The following PRKCA variants were observed in gnomAD, a reference collection of about 807,000 sequenced individuals.
PRKCA encodes protein kinase C alpha.
PRKCA carries 27 observed loss-of-function variants against 87.0 expected under a neutral mutation model. The ratio of observed to expected loss-of-function variants is 0.31; its 90% CI spans 0.23 to 0.43. PRKCA has a LOEUF of 0.43. Among genes scored for constraint, PRKCA ranks in the 20% least tolerant of loss-of-function variants. The probability of loss-of-function intolerance (pLI) is 1.00; values close to 1 mark genes in which losing one functional copy is unlikely to be tolerated. For synonymous variants in PRKCA, 329 were observed against 311.1 expected (o/e 1.06, Z -0.61); for missense variants, 518 against 852.3 (o/e 0.61, Z 4.88).
chr17:66,455,966 G>A (rs1217819616), intron 2 of PRKCA, among the ~76,000 whole-genome samples: 1 of 152,074 alleles, frequency 6.6e-6, no homozygotes, highest in Non-Finnish European at 1.5e-5. Flanking sequence ...TAGTTAAGGT[G>A]GTGGTAGATT....
chr17:66,514,116 A>G (rs1334148911), intron 3 of PRKCA, among the ~76,000 whole-genome samples: 1 of 152,166 alleles, frequency 6.6e-6, no homozygotes, highest in Non-Finnish European at 1.5e-5. Flanking sequence ...ATTGTTATTA[A>G]TCTCTTACTG....
intron 3 of PRKCA, among the ~76,000 whole-genome samples, chr17:66,512,457 AGT>A (rs71160573): frequency 0.33 from 46,847 of 144,034 alleles, 7,372 homozygotes; most frequent in Middle Eastern, 0.42. Flanking sequence ...CAACAAAAAA[AGT>A]GTGTGTGTGT....
chr17:66,444,045 A>G (rs1326738117), intron 2 of PRKCA, among the ~76,000 whole-genome samples: 2 of 152,052 alleles, frequency 1.3e-5, no homozygotes, highest in African/African-American at 4.8e-5. Context: ...CTCATTCTGT[A>G]ATTGGGGGAT....
chr17:66,765,466 A>AT (rs1974791639), intron 13 of PRKCA, among the ~76,000 whole-genome samples: 2 of 136,682 alleles, frequency 1.5e-5, no homozygotes, highest in African/African-American at 5.4e-5. Flanking sequence ...CCATATATAT[A>AT]CATATTTGTC....
chr17:66,437,736 G>A (rs1214979944), intron 2 of PRKCA, among the ~76,000 whole-genome samples: 1 of 2,866 alleles, frequency 3.5e-4, no homozygotes, highest in Admixed American at 3.0e-3. Context: ...TTTTTTGAGC[G>A]GGGGGTGGGT....
chr17:66,587,893 G>GTATATA lies in PRKCA; in HGVS notation c.289-53461_289-53460insATATAT, dbSNP rs1315328922. 4.8e-3 allele frequency among the ~76,000 whole-genome samples: 250 copies of GTATATA among 51,610 alleles called. 14 individuals carry two copies. Among genetic ancestry groups the GTATATA allele is most frequent in the Middle Eastern group, 0.01 (1 of 100 alleles). 33.9% of individuals were successfully genotyped at this position (51,610 alleles called of 152,430 possible). On this transcript the variant is annotated intron_variant, in intron 3 of 16. Coordinates refer to ENST00000413366, the MANE Select transcript of PRKCA (RefSeq NM_002737.3). Reference sequence around the variant, plus strand: ...TATGTGTGTGTGTGTGTGTGTGTGTGTGTATATATATATATATATATATAT... The same window carrying GTATATA: ...TATGTGTGTGTGTGTGTGTGTGTGTGTATATATGTATATATATATATATATATATAT...
intron 14 of PRKCA, among the ~76,000 whole-genome samples, chr17:66,785,851 C>A (rs779932774): frequency 1.3e-5 from 2 of 152,308 alleles, no homozygotes; most frequent in South Asian, 4.1e-4. Context: ...GTTTTTGAGA[C>A]GGAGTCTCGC....
intron 3 of PRKCA, among the ~76,000 whole-genome samples, chr17:66,620,406 G>A (rs1314303021): frequency 6.6e-6 from 1 of 152,168 alleles, no homozygotes; most frequent in Non-Finnish European, 1.5e-5. Context: ...AGCAATAAGT[G>A]GGAGGGAAGC....
chr17:66,448,597 G>A (rs73993698), intron 2 of PRKCA, among the ~76,000 whole-genome samples: 7,101 of 152,178 alleles, frequency 0.047, 226 homozygotes, highest in African/African-American at 0.094. Context: ...TCCAAGTTTA[G>A]TGATTAAAAT....
Position 66,804,337 on chromosome 17 carries a change from T to G in PRKCA, c.*300T>G, listed in dbSNP as rs1160554269. 2 of 265,350 alleles carry G rather than the reference T, an allele frequency of 7.5e-6. No individual in the cohort carries two copies. The highest frequency in any genetic ancestry group is 9.8e-5 in the Admixed American group (2 of 20,340). The allele number at this position is 265,350 out of a possible 1,614,324, so 16.4% of individuals were successfully genotyped here. A position where few individuals can be genotyped will look rare whatever the true frequency, so the allele number is the denominator to read the frequency against. On this transcript the variant is annotated 3_prime_UTR_variant, in exon 17 of 17. Transcript: ENST00000413366. Reference sequence around the variant, plus strand: ...AAGCAAGCAGACTGTTGCCCCATTTTGGGTACAATTTGATATACTTTCCAT... The same window carrying G: ...AAGCAAGCAGACTGTTGCCCCATTTGGGGTACAATTTGATATACTTTCCAT...
At chr17:66,686,770 G>A (rs1417975199) in intron 5 of PRKCA, among the ~76,000 whole-genome samples, 1 of 152,102 alleles carries the variant, frequency 6.6e-6, no homozygotes, top group African/African-American at 2.4e-5. Flanking sequence ...AGGTCACCTG[G>A]GAATCTTGTT....
chr17:66,456,008 C>CAA (rs2143941935), intron 2 of PRKCA, among the ~76,000 whole-genome samples: 1 of 152,052 alleles, frequency 6.6e-6, no homozygotes, highest in South Asian at 2.1e-4. Context: ...GACTGTTGTT[C>CAA]TCGTAAGAAG....
intron 2 of PRKCA, among the ~76,000 whole-genome samples, chr17:66,481,706 A>C (rs1372160769): frequency 6.6e-6 from 1 of 152,166 alleles, no homozygotes; most frequent in African/African-American, 2.4e-5. Flanking sequence ...ACTGGGCTTC[A>C]TGTAGTCCTC....
At chr17:66,712,649 C>T (rs373836187) in intron 8 of PRKCA, among the ~76,000 whole-genome samples, 11 of 152,122 alleles carry the variant, frequency 7.2e-5, no homozygotes, top group African/African-American at 1.4e-4. Context: ...TGCTGGGCAA[C>T]GTGGCTGTCA....
chr17:66,668,607 C>T (rs551543009), intron 5 of PRKCA, among the ~76,000 whole-genome samples: 1 of 152,266 alleles, frequency 6.6e-6, no homozygotes, highest in East Asian at 1.9e-4. Context: ...GGCATACAAA[C>T]AGTATCTTTG....
At chr17:66,618,670 T>G (rs1970582956) in intron 3 of PRKCA, among the ~76,000 whole-genome samples, 1 of 152,190 alleles carries the variant, frequency 6.6e-6, no homozygotes, top group Non-Finnish European at 1.5e-5. Flanking sequence ...ATTTGAGACC[T>G]TACTCATGAA....
chr17:66,315,522 C>T (rs997510475), intron 2 of PRKCA, among the ~76,000 whole-genome samples: 1 of 150,182 alleles, frequency 6.7e-6, no homozygotes, highest in Admixed American at 6.7e-5. Flanking sequence ...CTGTGTTGCC[C>T]AGGCTGGAGT....
chr17:66,504,713 G>A (rs1165031070), intron 3 of PRKCA, among the ~76,000 whole-genome samples: 1 of 152,186 alleles, frequency 6.6e-6, no homozygotes, highest in Admixed American at 6.5e-5. Context: ...TGCAGGAAGA[G>A]CTTCATAAAG....
In PRKCA at chr17:66,554,486, C is replaced by T. The variant is rs1024070439; in HGVS notation, c.288+58203C>T. On this transcript the variant is annotated intron_variant, in intron 3 of 16. Coordinates refer to ENST00000413366, the MANE Select transcript of PRKCA (RefSeq NM_002737.3). ...ACTTTGGGCTGGAAGAGAACATTCC[C>T]GTGACTACTCACATCATTTCTATTA... The T allele has an allele frequency of 1.9e-5, 17 of 903,224 alleles. 1 individual carries two copies. In the South Asian group the frequency reaches 3.6e-4, roughly 19 times the overall value. The allele number at this position is 903,224 out of a possible 1,614,324, so 56.0% of individuals were successfully genotyped here.
Sources: gnomAD v4.1 joint callset for allele counts (sites outside exome capture counted in the v4.1 genomes callset) on GRCh38, gnomAD v4.1.1 for gene constraint, MANE v1.5 for transcripts, NCBI Gene and HGNC (gene_info 2026-07-23, HGNC 2026-07-21) for gene names.